Variants in C22orf42 observed in about 807,000 individuals in gnomAD.
The protein encoded by C22orf42 is chromosome 22 open reading frame 42.
Under a neutral mutation model 31.4 loss-of-function variants are expected in C22orf42, and 24 were observed. The ratio of observed to expected loss-of-function variants is 0.77; its 90% CI spans 0.55 to 1.08. The LOEUF is 1.08. C22orf42 is among the 50% of genes least tolerant of loss of function. C22orf42 has a pLI of 0.00. For synonymous variants in C22orf42, 96 were observed against 112.7 expected (o/e 0.85, Z 0.94); for missense variants, 276 against 327.3 (o/e 0.84, Z 1.21).
At chr22:32,152,954 TA>T (rs577409048) in intron 2 of C22orf42, among the ~76,000 whole-genome samples, 57 of 152,318 alleles carry the variant, frequency 3.7e-4, no homozygotes, top group African/African-American at 1.3e-3. Flanking sequence ...TCCCCAATTT[TA>T]TGAAATGTTA....
intron 5 of C22orf42, among the ~76,000 whole-genome samples, 173 bp downstream of exon 5, chr22:32,151,314 G>T (rs1299486043): frequency 6.6e-6 from 1 of 152,086 alleles, no homozygotes; most frequent in African/African-American, 2.4e-5. Flanking sequence ...GTCCTTTGAC[G>T]GCCATCGTCA....
intron 2 of C22orf42, among the ~76,000 whole-genome samples, chr22:32,154,019 A>G (rs1035523117): frequency 7.9e-5 from 12 of 150,956 alleles, no homozygotes; most frequent in Admixed American, 6.6e-5. Flanking sequence ...ACCTTTTCAC[A>G]CACACACACA....
upstream of C22orf42, chr22:32,159,312 C>T: frequency 3.3e-6 from 5 of 1,505,820 alleles, no homozygotes; most frequent in Non-Finnish European, 4.4e-6. Context: ...CTGAAGGCTG[C>T]TGGCCCTGGC....
intron 4 of C22orf42, among the ~76,000 whole-genome samples, chr22:32,151,776 G>A (rs1306876881): frequency 2.0e-5 from 3 of 152,190 alleles, no homozygotes; most frequent in African/African-American, 7.2e-5. Context: ...CCTCATGAAT[G>A]TGAAATAGTC....
rs1246014532 is a variant in C22orf42, at chr22:32,159,281, C to T, written c.-66G>A. 1.3e-6 allele frequency: 2 copies of T among 1,573,364 alleles called. No homozygotes were observed. Among genetic ancestry groups the T allele is most frequent in the African/African-American group, 2.7e-5 (2 of 74,232 alleles). On this transcript the variant is annotated 5_prime_UTR_variant, in exon 1 of 9. Transcript: ENST00000382097. Reference sequence around the variant, plus strand: ...ACAGAATGTAGTCGGAGCTCCTCCTCCTTCTACGGCCAGCTACCGACTGAA... The same window carrying T: ...ACAGAATGTAGTCGGAGCTCCTCCTTCTTCTACGGCCAGCTACCGACTGAA...
At chr22:32,159,541 G>A, upstream of C22orf42, 3 of 1,130,186 alleles carry the variant, frequency 2.7e-6, no homozygotes, top group Non-Finnish European at 3.3e-6. Flanking sequence ...AAGTGCAGGG[G>A]TTGGAGGTTG....
upstream of C22orf42, chr22:32,159,467 C>T (rs1921479409): frequency 3.0e-5 from 41 of 1,370,004 alleles, no homozygotes; most frequent in South Asian, 5.4e-4. Flanking sequence ...CTTGTGGCCA[C>T]CCTGTCCCTC....
chr22:32,157,410 AC>A (rs1440339225), intron 1 of C22orf42, among the ~76,000 whole-genome samples: 17 of 151,694 alleles, frequency 1.1e-4, no homozygotes, highest in African/African-American at 4.1e-4. Flanking sequence ...CACTACGTGT[AC>A]AAGGCCTTAG....
At chr22:32,149,641 C>CAAAAA (rs142171049) in intron 8 of C22orf42, 28 bp from the exon 9 acceptor site, 23 of 1,237,022 alleles carry the variant, frequency 1.9e-5, no homozygotes, top group African/African-American at 1.0e-4. Context: ...GACTTCATCT[C>CAAAAA]AAAAAAAAAA....
Position 32,152,545 on chromosome 22 carries a change from A to G in C22orf42, c.372+17T>C. ...AACAAAAAGCATTTCTCTTCCAGAG[A>G]AAGAAATACATCTTACAATATCTGA... is the stretch of plus-strand genomic sequence containing the variant. On this transcript the variant is annotated intron_variant, in intron 3 of 8. Transcript: ENST00000382097. 6.3e-7 allele frequency: 1 copy of G among 1,596,458 alleles called. No individual in the cohort carries two copies. Among genetic ancestry groups the G allele is most frequent in the Non-Finnish European group, 8.6e-7 (1 of 1,164,918 alleles).
Position 32,151,409 on chromosome 22 carries a change from A to G in C22orf42, c.465+78T>C. On this transcript the variant is annotated intron_variant, in intron 5 of 8. Transcript: ENST00000382097. ...GCCTGAATCATGATGGCAGTCAAAA[A>G]TGATATTCATTTGATATTCTAGAAG... is the stretch of plus-strand genomic sequence containing the variant. The G allele has an allele frequency of 1.3e-5, 18 of 1,428,354 alleles. No individual in the cohort carries two copies. In the South Asian group the frequency reaches 2.0e-4, roughly 16 times the overall value. 88.5% of individuals were successfully genotyped at this position (1,428,354 alleles called of 1,614,324 possible). A position where few individuals can be genotyped will look rare whatever the true frequency, so the allele number is the denominator to read the frequency against.
chr22:32,158,387 A>AT (rs1569336567), intron 1 of C22orf42, among the ~76,000 whole-genome samples: 1 of 152,132 alleles, frequency 6.6e-6, no homozygotes, highest in Non-Finnish European at 1.5e-5. Flanking sequence ...CACAAAAGCA[A>AT]TTTCTTTACA....
At chr22:32,150,955 T>C (rs1257991583) in intron 6 of C22orf42, 37 bp downstream of exon 6, 2 of 1,585,108 alleles carry the variant, frequency 1.3e-6, no homozygotes, top group East Asian at 4.5e-5. Flanking sequence ...GCATGTCAAC[T>C]ACACGTAAAT....
Position 32,152,579 on chromosome 22 carries a change from T to C in C22orf42, c.355A>G (p.Asn119Asp). The change falls in exon 3 of 9, where the codon AAT becomes GAT. Residue 119 changes from asparagine (N) to aspartate (D), a missense_variant. Asn to Asp is a conservative substitution (Grantham distance 23). Transcript: ENST00000382097. Reference sequence around the variant, plus strand: ...CATCTTACAATATCTGATGTCATATTCTCCTCCACACCGCCGTGTGCAGAC... The same window carrying C: ...CATCTTACAATATCTGATGTCATATCCTCCTCCACACCGCCGTGTGCAGAC... Reference protein sequence around the residue: ...QASAHGGVEENMTSDIEIPEA... With the variant: ...QASAHGGVEEDMTSDIEIPEA... 6.2e-7 allele frequency: 1 copy of C among 1,612,688 alleles called. No homozygotes were observed.
chr22:32,151,117 G>T, intron 5 of C22orf42, 98 bp from the exon 6 acceptor site: 4 of 1,276,558 alleles, frequency 3.1e-6, no homozygotes, highest in Non-Finnish European at 4.4e-6. Context: ...ATAAAAAACC[G>T]GATGTGAAAC....
rs145900833 is a variant in C22orf42, at chr22:32,150,424, T to C, written c.549A>G (p.Thr183=). The C allele has an allele frequency of 1.7e-4, 273 of 1,614,060 alleles. No homozygotes were observed. The highest frequency in any genetic ancestry group is 2.2e-4 in the Non-Finnish European group (261 of 1,179,992). ...SLSVCLEDFM[T]SDLSESLSVS... ...CAGATAGGCTTTCACTGAGATCCGA[T>C]GTCATGAAGTCTTCAAGACAGACAG... The change falls in exon 7 of 9, where the codon ACA becomes ACG. Residue 183 remains threonine, a synonymous_variant. Transcript: ENST00000382097.
In C22orf42 at chr22:32,150,472, G is replaced by A. The variant is rs374310346; in HGVS notation, c.501C>T (p.Val167=). 6.2e-6 allele frequency: 10 copies of A among 1,613,874 alleles called. No individual in the cohort carries two copies. The highest frequency in any genetic ancestry group is 8.5e-6 in the Non-Finnish European group (10 of 1,180,006). ...ISEAKHDHHL[V]EDLSESLSVC... ...CAGATAGGCTTTCACTGAGATCTTC[G>A]ACCAAATCTAGGAGAACATAGTGAC... The change falls in exon 7 of 9, where the codon GTC becomes GTT. Residue 167 remains valine, a synonymous_variant. Coordinates refer to ENST00000382097, the MANE Select transcript of C22orf42 (RefSeq NM_001010859.3).
At chr22:32,154,739 A>G (rs1329290955) in intron 1 of C22orf42, among the ~76,000 whole-genome samples, 7 of 152,218 alleles carry the variant, frequency 4.6e-5, no homozygotes. Flanking sequence ...ACTAAGATCT[A>G]TAGGGCTAAA....
chr22:32,159,513 G>A (rs1377326360), upstream of C22orf42: 10 of 1,257,380 alleles, frequency 8.0e-6, no homozygotes, highest in Non-Finnish European at 9.1e-6. Flanking sequence ...GGCTGCCTGA[G>A]CTTTCCAGTC....
Sources: allele counts gnomAD v4.1 joint callset (sites outside exome capture counted in the v4.1 genomes callset), GRCh38; gene constraint gnomAD v4.1.1; transcripts MANE v1.5; gene names NCBI Gene and HGNC (gene_info 2026-07-23, HGNC 2026-07-21).